The following DLG2 variants were observed in gnomAD, a reference collection of about 807,000 sequenced individuals.
The protein encoded by DLG2 is discs large MAGUK scaffold protein 2.
A neutral mutation model predicts 132.5 loss-of-function variants in DLG2; 45 were observed. The observed-to-expected ratio is 0.34, with a 90% CI of 0.27 to 0.44. DLG2 has a LOEUF of 0.44. Ranked by LOEUF, DLG2 falls within the 20% of genes least tolerant of loss-of-function variation. The pLI is 1.00. For missense variants in DLG2, 1,045 were observed against 1,196.9 expected, an observed-to-expected ratio of 0.87 and a Z score of 1.87; for synonymous variants, 424 against 419.6, an observed-to-expected ratio of 1.01 and a Z score of -0.13.
Position 85,320,013 on chromosome 11 carries a change from T to A in DLG2, c.41-34648A>T, listed in dbSNP as rs1169424048. Among the ~76,000 whole-genome samples, 3 of 151,870 alleles carry A rather than the reference T, an allele frequency of 2.0e-5. No individual in the cohort carries two copies. The East Asian group carries it at 5.8e-4, about 29-fold the overall frequency. On this transcript the variant is annotated intron_variant, in intron 3 of 27. Coordinates refer to ENST00000376104, the MANE Select transcript of DLG2 (RefSeq NM_001142699.3). ...TATCAGGTAAAGCCCATAACTGAGA[T>A]GAAGGTAGAAAAATTTCTTAAACCA... is the stretch of plus-strand genomic sequence containing the variant.
At chr11:83,909,584 C>A (rs114934214) in intron 15 of DLG2, among the ~76,000 whole-genome samples, 1 of 152,002 alleles carries the variant, frequency 6.6e-6, no homozygotes. Context: ...AGAGAAACTA[C>A]GGATTGTTAT....
intron 6 of DLG2, among the ~76,000 whole-genome samples, chr11:84,878,932 T>G (rs2154052337): frequency 2.0e-5 from 3 of 152,324 alleles, no homozygotes; most frequent in Middle Eastern, 6.8e-3. Flanking sequence ...AATTCCTGTT[T>G]GTCTAGAGAC....
At chr11:84,832,544 G>C (rs1335823032) in intron 6 of DLG2, among the ~76,000 whole-genome samples, 2 of 151,650 alleles carry the variant, frequency 1.3e-5, no homozygotes, top group East Asian at 3.9e-4. Flanking sequence ...TTCAGCAAAG[G>C]AAGGCAGGAC....
At chr11:85,567,982 T>C (rs930264039) in intron 3 of DLG2, among the ~76,000 whole-genome samples, 4 of 151,816 alleles carry the variant, frequency 2.6e-5, no homozygotes, top group African/African-American at 9.7e-5. Context: ...TCTCAATCCC[T>C]CATAGTGTAA....
At chr11:84,298,314 A>G (rs1016168215) in intron 7 of DLG2, among the ~76,000 whole-genome samples, 16 of 152,226 alleles carry the variant, frequency 1.1e-4, no homozygotes, top group African/African-American at 3.6e-4. Context: ...GATATAAGGT[A>G]TATTTTAACT....
chr11:83,656,815 T>A (rs951371256), intron 18 of DLG2, among the ~76,000 whole-genome samples: 17 of 152,224 alleles, frequency 1.1e-4, no homozygotes, highest in African/African-American at 3.9e-4. Context: ...GGGATGATGA[T>A]GCTTAGGTTG....
chr11:83,669,021 T>C (rs1193010747), intron 18 of DLG2, among the ~76,000 whole-genome samples: 3 of 152,102 alleles, frequency 2.0e-5, no homozygotes, highest in African/African-American at 4.8e-5. Context: ...CTTTATTTTA[T>C]GGCCAAAGAA....
At chr11:84,699,950 A>G (rs752316492) in intron 6 of DLG2, among the ~76,000 whole-genome samples, 21 of 151,622 alleles carry the variant, frequency 1.4e-4, no homozygotes, top group Non-Finnish European at 2.8e-4. Flanking sequence ...GTAAGACATG[A>G]AGAAAATAAA....
intron 7 of DLG2, among the ~76,000 whole-genome samples, chr11:84,426,183 T>C (rs74903601): frequency 0.033 from 4,955 of 152,178 alleles, 138 homozygotes; most frequent in South Asian, 0.15. Flanking sequence ...TCATGAGAAA[T>C]AAATGTAGGG....
chr11:84,207,602 C>T (rs983889047), intron 8 of DLG2, among the ~76,000 whole-genome samples: 3 of 152,088 alleles, frequency 2.0e-5, no homozygotes, highest in Admixed American at 6.5e-5. Flanking sequence ...AAAATTGAAC[C>T]TTGACATCTT....
intron 19 of DLG2, among the ~76,000 whole-genome samples, chr11:83,593,624 C>T (rs1177943520): frequency 6.8e-6 from 1 of 147,950 alleles, no homozygotes. Flanking sequence ...TGCACATGTA[C>T]CCTAAAACTT....
intron 3 of DLG2, among the ~76,000 whole-genome samples, chr11:85,549,114 G>A (rs566747973): frequency 6.6e-6 from 1 of 152,264 alleles, no homozygotes; most frequent in South Asian, 2.1e-4. Context: ...CAGAGCCCTG[G>A]TGGCTTGGGC....
intron 7 of DLG2, among the ~76,000 whole-genome samples, chr11:84,455,239 G>A (rs754710324): frequency 2.0e-5 from 3 of 151,174 alleles, no homozygotes; most frequent in Non-Finnish European, 4.4e-5. Flanking sequence ...ACCATTTAAC[G>A]TTTAGTAATA....
chr11:83,933,853 G>T (rs2080887143), intron 14 of DLG2, among the ~76,000 whole-genome samples: 2 of 152,318 alleles, frequency 1.3e-5, no homozygotes, highest in South Asian at 4.1e-4. Flanking sequence ...AAAGGCCTAG[G>T]CCATTTGGAT....
intron 3 of DLG2, among the ~76,000 whole-genome samples, chr11:85,458,562 T>C (rs1428514720): frequency 6.6e-6 from 1 of 152,264 alleles, no homozygotes; most frequent in Non-Finnish European, 1.5e-5. Context: ...GCTTGTGTTC[T>C]GATAACTGAC....
intron 3 of DLG2, among the ~76,000 whole-genome samples, chr11:85,528,227 G>A (rs1266324525): frequency 6.6e-6 from 1 of 152,150 alleles, no homozygotes; most frequent in Non-Finnish European, 1.5e-5. Context: ...TGTCACAATT[G>A]CTTTTGGTGT....
At chr11:84,753,198 A>G (rs2066406712) in intron 6 of DLG2, among the ~76,000 whole-genome samples, 1 of 152,214 alleles carries the variant, frequency 6.6e-6, no homozygotes, top group Admixed American at 6.5e-5. Flanking sequence ...AAAACAGAGA[A>G]GAGAGACAGA....
intron 21 of DLG2, among the ~76,000 whole-genome samples, chr11:83,518,325 G>C (rs11233656): frequency 0.35 from 53,552 of 152,002 alleles, 9,532 homozygotes; most frequent in Middle Eastern, 0.46. Context: ...CAAGCCAGGC[G>C]CGGGATATAA....
chr11:83,486,174 T>TAAAAG lies in DLG2; in HGVS notation c.2194-1951_2194-1947dup, dbSNP rs199968463. ...TTTCCTAGTTAAAAATGATAGTCCT[T>TAAAAG]AAAAGAATACTAAATATTCTTGCAT... On this transcript the variant is annotated intron_variant, in intron 21 of 27. Transcript: ENST00000376104. 4.0e-3 allele frequency: 2,670 copies of TAAAAG among 670,102 alleles called. 27 individuals carry two copies. Among genetic ancestry groups the TAAAAG allele is most frequent in the African/African-American group, 0.029 (1,619 of 55,048 alleles). The allele number at this position is 670,102 out of a possible 1,614,324, so 41.5% of individuals were successfully genotyped here. A position where few individuals can be genotyped will look rare whatever the true frequency, so the allele number is the denominator to read the frequency against.
Sources: allele counts gnomAD v4.1 joint callset (sites outside exome capture counted in the v4.1 genomes callset), GRCh38; gene constraint gnomAD v4.1.1; transcripts MANE v1.5; gene names NCBI Gene and HGNC (gene_info 2026-07-23, HGNC 2026-07-21).